The following RNF111 variants were observed in gnomAD, a reference collection of about 807,000 sequenced individuals.
RNF111 encodes the protein ring finger protein 111.
A neutral mutation model predicts 95.1 loss-of-function variants in RNF111; 17 were observed. The ratio of observed to expected loss-of-function variants is 0.18; its 90% CI spans 0.12 to 0.27. The LOEUF is 0.27. Among genes scored for constraint, RNF111 ranks in the 10% least tolerant of loss-of-function variants. The pLI is 1.00. For missense variants in RNF111, 1,189 were observed against 1,210.4 expected (o/e 0.98, Z 0.26); for synonymous variants, 440 against 414.8 (o/e 1.06, Z -0.74).
At chr15:59,008,330 G>A (rs2039635095) in intron 1 of RNF111, among the ~76,000 whole-genome samples, 1 of 152,096 alleles carries the variant, frequency 6.6e-6, no homozygotes, top group Non-Finnish European at 1.5e-5. Flanking sequence ...CGATCCTCCT[G>A]CCTCAGCCTC....
chr15:58,994,944 TC>T (rs1205592516), intron 1 of RNF111, among the ~76,000 whole-genome samples: 1 of 152,238 alleles, frequency 6.6e-6, no homozygotes, highest in East Asian at 1.9e-4. Context: ...CAGCTCATTT[TC>T]CAGTTTTGTC....
intron 10 of RNF111, among the ~76,000 whole-genome samples, chr15:59,089,181 A>G (rs1207050544): frequency 6.6e-6 from 1 of 152,182 alleles, no homozygotes; most frequent in African/African-American, 2.4e-5. Context: ...GTTCACACAT[A>G]TGTAATCCAT....
chr15:59,091,090 A>G lies in RNF111; in HGVS notation c.2675A>G (p.Asn892Ser), dbSNP rs141414694. ...ATTCATTTGGAAGAAAGATTAGGCA[A>G]TGTCAATCGTGGAGCATCCCAGGGG... is the stretch of plus-strand genomic sequence containing the variant. ...ELIHLEERLGNVNRGASQGTI... is the reference protein window; with the variant it reads ...ELIHLEERLGSVNRGASQGTI... The change falls in exon 12 of 14, where the codon AAT becomes AGT. Residue 892 changes from asparagine (N) to serine (S), a missense_variant. Asn to Ser is a conservative substitution (Grantham distance 46, BLOSUM62 1). This residue lies in a region of RNF111 where 165 missense variants were observed against 284.6 expected (regional missense o/e 0.58). Coordinates refer to ENST00000348370, the MANE Select transcript of RNF111 (RefSeq NM_017610.8). 1,280 of 1,610,310 alleles carry G rather than the reference A, an allele frequency of 7.9e-4. 1 individual carries two copies. The highest frequency in any genetic ancestry group is 2.4e-3 in the Admixed American group (142 of 59,848).
At chr15:59,069,976 C>T (rs1285710649) in intron 6 of RNF111, among the ~76,000 whole-genome samples, 1 of 149,430 alleles carries the variant, frequency 6.7e-6, no homozygotes, top group African/African-American at 2.5e-5. Flanking sequence ...GGCTTTCATC[C>T]CTACCCACCC....
intron 1 of RNF111, among the ~76,000 whole-genome samples, chr15:59,017,277 A>G (rs751152027): frequency 1.3e-5 from 2 of 152,092 alleles, no homozygotes; most frequent in Non-Finnish European, 2.9e-5. Flanking sequence ...GATTTTCCAG[A>G]GATCGTAAAT....
At chr15:59,002,058 T>C (rs1348606582) in intron 1 of RNF111, among the ~76,000 whole-genome samples, 1 of 152,226 alleles carries the variant, frequency 6.6e-6, no homozygotes, top group Non-Finnish European at 1.5e-5. Flanking sequence ...ATGGGCACTG[T>C]GTAGGCATTC....
intron 5 of RNF111, 44 bp downstream of exon 5, chr15:59,058,594 T>C (rs1216740980): frequency 2.0e-6 from 3 of 1,531,838 alleles, no homozygotes; most frequent in South Asian, 1.1e-5. Context: ...GTCATTACTT[T>C]CGTTAGGAAA....
intron 6 of RNF111, among the ~76,000 whole-genome samples, chr15:59,073,373 C>G (rs1027953163): frequency 3.3e-5 from 5 of 151,550 alleles, no homozygotes; most frequent in African/African-American, 9.7e-5. Flanking sequence ...CCCAGCTGCT[C>G]GCGAGGCTGA....
Position 59,089,681 on chromosome 15 carries a change from A to G in RNF111, c.2565A>G (p.Ala855=). 3 of 1,613,270 alleles carry G rather than the reference A, an allele frequency of 1.9e-6. No homozygotes were observed. Among genetic ancestry groups the G allele is most frequent in the Middle Eastern group, 1.7e-4 (1 of 6,056 alleles). Residue 855 remains alanine (A), a synonymous_variant, in exon 11 of 14, where the codon GCA becomes GCG. Transcript: ENST00000348370. The stretch of plus-strand genomic sequence containing the variant: ...TGTTGAAATAGGTTCCTGATATGGC[A>G]GGCTATCCTCACATCCGTTACATTT... ...GALPLMVPDM[A]GYPHIRYISS... is the part of the protein sequence containing the mutation.
At chr15:59,031,809 A>G in intron 2 of RNF111, 107 bp downstream of exon 2, 1 of 933,014 alleles carries the variant, frequency 1.1e-6, no homozygotes, top group Non-Finnish European at 1.6e-6. Flanking sequence ...ATCAGGTTCT[A>G]TTAACTTTTA....
At position 59,031,663 on chromosome 15, in the gene RNF111, G is replaced by A. The variant is rs780354294; in HGVS notation, c.841G>A (p.Ala281Thr). Residue 281 changes from alanine to threonine, a missense_variant, in exon 2 of 14, where the codon GCC becomes ACC. Ala to Thr is a moderately conservative substitution (Grantham distance 58). Transcript: ENST00000348370. ...TEGEEDLFVS[A>T]SENHQNNPAV... is the part of the protein sequence containing the mutation. ...AGGAGAAGAAGATTTGTTTGTTTCTGCCAGTGAAAACCACCAAAACAATCC... is the reference window on the plus strand; with the variant it reads ...AGGAGAAGAAGATTTGTTTGTTTCTACCAGTGAAAACCACCAAAACAATCC... 9 of 1,614,028 alleles carry A rather than the reference G, an allele frequency of 5.6e-6. No individual in the cohort carries two copies. In the East Asian group the frequency reaches 1.6e-4, roughly 28 times the overall value.
intron 1 of RNF111, chr15:59,003,871 G>C (rs2039429262): frequency 6.5e-6 from 1 of 153,802 alleles, no homozygotes. Flanking sequence ...TTTATTGAAT[G>C]AGAACCATAA....
At chr15:59,049,444 T>A in intron 2 of RNF111, 1 of 213,854 alleles carries the variant, frequency 4.7e-6, no homozygotes. Flanking sequence ...CAGGCTCCTG[T>A]CCATTGGTTC....
At chr15:59,083,497 C>G (rs1201609241) in intron 8 of RNF111, among the ~76,000 whole-genome samples, 1 of 150,744 alleles carries the variant, frequency 6.6e-6, no homozygotes, top group African/African-American at 2.5e-5. Flanking sequence ...AAGATTGCCA[C>G]TGTACTCCAG....
chr15:59,029,672 G>A (rs1466387217), intron 1 of RNF111, among the ~76,000 whole-genome samples: 1 of 152,134 alleles, frequency 6.6e-6, no homozygotes, highest in African/African-American at 2.4e-5. Context: ...TTAGGAACTG[G>A]TTTCAAAATG....
Position 59,066,925 on chromosome 15 carries a change from C to G in RNF111, c.1528C>G (p.His510Asp). The change falls in exon 6 of 14, where the codon CAC (histidine) becomes GAC (aspartate). Residue 510 changes from histidine to aspartate, a missense_variant. His to Asp is a moderately conservative substitution (Grantham distance 81). Coordinates refer to ENST00000348370, the MANE Select transcript of RNF111 (RefSeq NM_017610.8). ...PHTSCFQQHG[H>D]HFQHHHHHHH... ...TACAAGTTGCTTTCAGCAGCATGGT[C>G]ACCATTTTCAACATCATCACCACCA... 2.5e-6 allele frequency: 4 copies of G among 1,614,086 alleles called. No individual in the cohort carries two copies. Among genetic ancestry groups the G allele is most frequent in the Non-Finnish European group, 3.4e-6 (4 of 1,180,012 alleles).
At chr15:59,055,495 A>G (rs995609154) in intron 3 of RNF111, among the ~76,000 whole-genome samples, 187 bp from the exon 4 acceptor site, 10 of 113,494 alleles carry the variant, frequency 8.8e-5, no homozygotes, top group African/African-American at 3.9e-4. Context: ...TTGGTACAAC[A>G]TAGTATTTCT....
At chr15:59,092,330 C>T (rs2079076097) in intron 12 of RNF111, among the ~76,000 whole-genome samples, 1 of 152,070 alleles carries the variant, frequency 6.6e-6, no homozygotes, top group African/African-American at 2.4e-5. Context: ...TGCTTTTGAT[C>T]CCAATTATTA....
At chr15:59,053,874 G>A (rs1286485267) in intron 3 of RNF111, among the ~76,000 whole-genome samples, 1 of 116,062 alleles carries the variant, frequency 8.6e-6, no homozygotes, top group African/African-American at 4.4e-5. Flanking sequence ...ATCTCTTATT[G>A]TTATTAAGAG....
Sources: gnomAD v4.1 joint callset for allele counts (sites outside exome capture counted in the v4.1 genomes callset) on GRCh38, gnomAD v4.1.1 for gene constraint, gnomAD v4.1.1 regional missense constraint, MANE v1.5 for transcripts, NCBI Gene and HGNC (gene_info 2026-07-23, HGNC 2026-07-21) for gene names.